CHRM5: variants seen among roughly 807,000 people sequenced by gnomAD.
CHRM5 encodes the protein cholinergic receptor muscarinic 5.
CHRM5 carries 18 observed loss-of-function variants against 39.0 expected under a neutral mutation model. The ratio of observed to expected loss-of-function variants is 0.46; its 90% confidence interval spans 0.32 to 0.68. The LOEUF (loss-of-function observed/expected upper bound fraction) is 0.68. Ranked by LOEUF, CHRM5 falls within the 30% of genes least tolerant of loss-of-function variation. CHRM5 has a pLI of 0.04. For missense variants in CHRM5, 515 were observed against 651.1 expected, an observed-to-expected ratio of 0.79 and a Z score of 2.28; for synonymous variants, 241 against 246.3, an observed-to-expected ratio of 0.98 and a Z score of 0.20.
intron 1 of CHRM5, among the ~76,000 whole-genome samples, chr15:34,015,957 C>CCT (rs1897885032): frequency 6.6e-6 from 1 of 152,182 alleles, no homozygotes; most frequent in Non-Finnish European, 1.5e-5. Context: ...ACCCTCAGAT[C>CCT]TGAACAGTAA....
At chr15:33,982,219 T>C (rs148850191) in intron 1 of CHRM5, among the ~76,000 whole-genome samples, 2 of 152,202 alleles carry the variant, frequency 1.3e-5, no homozygotes, top group African/African-American at 4.8e-5. Flanking sequence ...TCTGCAGATG[T>C]AGAGCTGCAT....
chr15:34,031,486 A>G (rs1313204914), intron 1 of CHRM5, among the ~76,000 whole-genome samples: 3 of 152,144 alleles, frequency 2.0e-5, no homozygotes, highest in Non-Finnish European at 4.4e-5. Flanking sequence ...GCTTAGGTTA[A>G]TATTAAAATG....
rs1309480102 is a variant in CHRM5, at chr15:34,064,328, C to T, written c.*12C>T. ...GCAAGCTACCCTGAAAAGTCAACAA[C>T]TCCTCTCGAAAGAACAATGACCACA... On this transcript the variant is annotated 3_prime_UTR_variant, in exon 3 of 3. Coordinates refer to ENST00000383263, the MANE Select transcript of CHRM5 (RefSeq NM_012125.4). 12 of 1,602,458 alleles carry T rather than the reference C, an allele frequency of 7.5e-6. No homozygotes were observed. The highest frequency in any genetic ancestry group is 9.4e-6 in the Non-Finnish European group (11 of 1,174,738).
At chr15:34,029,517 C>CAAAAAAAAAAAA (rs66519745) in intron 1 of CHRM5, among the ~76,000 whole-genome samples, 1 of 118,692 alleles carries the variant, frequency 8.4e-6, no homozygotes. Flanking sequence ...CCTATTTCTA[C>CAAAAAAAAAAAA]AAAAAAAAAA....
At chr15:33,983,158 G>GTGTGTATA (rs1373777751) in intron 1 of CHRM5, among the ~76,000 whole-genome samples, 13 of 136,328 alleles carry the variant, frequency 9.5e-5, no homozygotes, top group African/African-American at 3.7e-4. Flanking sequence ...GTGTGTGTGT[G>GTGTGTATA]TATGTGTGTG....
At chr15:34,005,154 T>C (rs1897290718) in intron 1 of CHRM5, among the ~76,000 whole-genome samples, 1 of 152,192 alleles carries the variant, frequency 6.6e-6, no homozygotes. Flanking sequence ...TATATATACT[T>C]CTTTTTGGTC....
chr15:34,025,544 G>A (rs996210307), intron 1 of CHRM5, among the ~76,000 whole-genome samples: 4 of 152,150 alleles, frequency 2.6e-5, no homozygotes, highest in African/African-American at 9.7e-5. Context: ...GGACGTTATT[G>A]GGTCATCTGG....
At position 34,063,538 on chromosome 15, in the gene CHRM5, C is replaced by A; in HGVS notation, c.821C>A (p.Ser274Tyr). The change falls in exon 3 of 3, where the codon TCC (serine) becomes TAC (tyrosine). Residue 274 changes from serine (S) to tyrosine (Y), a missense_variant. By Grantham distance (144) the Ser-to-Tyr change is moderately radical. Transcript: ENST00000383263. The surrounding 1 kb of genome is among the most constrained non-coding windows in gnomAD (Gnocchi z 4.1). Reference sequence around the variant, plus strand: ...AGGAACCAGGCCTCCTGGTCATCCTCCCGCAGGAGCACCTCCACCACTGGG... The same window carrying A: ...AGGAACCAGGCCTCCTGGTCATCCTACCGCAGGAGCACCTCCACCACTGGG... ...RERNQASWSS[S>Y]RRSTSTTGKP... The A allele has an allele frequency of 6.2e-7, 1 of 1,613,628 alleles. No homozygotes were observed. The highest frequency in any genetic ancestry group is 1.6e-4 in the Middle Eastern group (1 of 6,062).
chr15:34,021,765 G>C (rs1420072915), intron 1 of CHRM5, among the ~76,000 whole-genome samples: 1 of 152,096 alleles, frequency 6.6e-6, no homozygotes, highest in Non-Finnish European at 1.5e-5. Context: ...TGAGGCAGGA[G>C]AATCACTTGA....
chr15:34,037,805 T>A (rs911910900), intron 1 of CHRM5, among the ~76,000 whole-genome samples: 8 of 152,292 alleles, frequency 5.3e-5, no homozygotes, highest in African/African-American at 1.9e-4. Flanking sequence ...ACTACTCTCT[T>A]TAGGGATATC....
In CHRM5 at chr15:34,030,207, T is replaced by C. The variant is rs562419462; in HGVS notation, c.-407-16333T>C. Among the ~76,000 whole-genome samples the C allele has an allele frequency of 3.8e-3, 581 of 152,198 alleles. 2 individuals are homozygous for C. The highest frequency in any genetic ancestry group is 0.018 in the South Asian group (86 of 4,814). ...AGGCAGAGGTTGCAGGGAGCTGAGA[T>C]CACACCACTGCATTCCAGCCTGGGT... On this transcript the variant is annotated intron_variant, in intron 1 of 2. Transcript: ENST00000383263.
intron 1 of CHRM5, among the ~76,000 whole-genome samples, chr15:34,022,093 C>T (rs1898226882): frequency 6.6e-6 from 1 of 152,304 alleles, no homozygotes; most frequent in East Asian, 1.9e-4. Context: ...AAAACCTACT[C>T]CTGCCACACA....
At chr15:33,989,252 C>A (rs1896614080) in intron 1 of CHRM5, among the ~76,000 whole-genome samples, 1 of 151,994 alleles carries the variant, frequency 6.6e-6, no homozygotes. Context: ...TCATGACAGC[C>A]CCGTGTTAAT....
intron 1 of CHRM5, among the ~76,000 whole-genome samples, chr15:34,023,363 A>T (rs1221420225): frequency 6.6e-6 from 1 of 152,144 alleles, no homozygotes; most frequent in East Asian, 1.9e-4. Flanking sequence ...GGCTAACCTC[A>T]TCTTGGCCGA....
chr15:33,989,867 G>C (rs1896642510), intron 1 of CHRM5, among the ~76,000 whole-genome samples: 1 of 150,364 alleles, frequency 6.7e-6, no homozygotes, highest in African/African-American at 2.5e-5. Context: ...ACAAAGAAGA[G>C]ACAATAGCAA....
intron 1 of CHRM5, chr15:34,038,915 G>GCCGCCGCCT: frequency 1.4e-6 from 1 of 721,742 alleles, no homozygotes; most frequent in Non-Finnish European, 1.7e-6. Context: ...CTCCGTCCCC[G>GCCGCCGCCT]CCGCCGCCTC....
rs1331473577 is a variant in CHRM5 at position 33,983,947 on chromosome 15, G to A, written c.-408+14797G>A. On this transcript the variant is annotated intron_variant, in intron 1 of 2. Coordinates refer to ENST00000383263, the MANE Select transcript of CHRM5 (RefSeq NM_012125.4). ...CTCATCATGAAAAAAAAAAAAATCA[G>A]AAAAACCCAAATTAAGGGACATTCT... Among the ~76,000 whole-genome samples the A allele has an allele frequency of 2.7e-5, 4 of 149,638 alleles. 1 individual carries two copies. The highest frequency in any genetic ancestry group is 5.9e-5 in the Non-Finnish European group (4 of 67,472).
intron 1 of CHRM5, among the ~76,000 whole-genome samples, chr15:34,014,388 AAACAAAAAC>A (rs1567467477): frequency 3.5e-5 from 4 of 114,164 alleles, no homozygotes; most frequent in African/African-American, 9.0e-5. Flanking sequence ...AAAAAAACAA[AAACAAAAAC>A]CACGTTTGAG....
chr15:34,049,272 A>G (rs762401428), intron 2 of CHRM5, among the ~76,000 whole-genome samples: 3 of 152,222 alleles, frequency 2.0e-5, no homozygotes, highest in Non-Finnish European at 4.4e-5. Flanking sequence ...CTAAAGGACC[A>G]TGTTGTAACC....
Sources: allele counts gnomAD v4.1 joint callset (sites outside exome capture counted in the v4.1 genomes callset), GRCh38; gene constraint gnomAD v4.1.1; non-coding constraint Gnocchi (gnomAD v3.1); transcripts MANE v1.5; gene names NCBI Gene and HGNC (gene_info 2026-07-23, HGNC 2026-07-21).